The following ZDHHC17 variants were observed in gnomAD, a reference collection of about 807,000 sequenced individuals.
ZDHHC17 encodes zDHHC palmitoyltransferase 17.
A neutral mutation model predicts 90.3 loss-of-function variants in ZDHHC17; 40 were observed. That is an observed-to-expected ratio of 0.44 (90% confidence interval 0.34 to 0.58). The LOEUF (loss-of-function observed/expected upper bound fraction) is 0.58, where lower values mean the gene tolerates loss of function less well. Ranked by LOEUF, ZDHHC17 falls within the 20% of genes least tolerant of loss-of-function variation. The pLI, the probability that ZDHHC17 is intolerant of heterozygous loss-of-function variation, is 0.01. For synonymous variants in ZDHHC17, 235 were observed against 252.4 expected (o/e 0.93, Z 0.65); for missense variants, 614 against 780.8 (o/e 0.79, Z 2.55).
intron 1 of ZDHHC17, among the ~76,000 whole-genome samples, chr12:76,783,904 G>T (rs1592463445): frequency 6.6e-6 from 1 of 152,108 alleles, no homozygotes; most frequent in Admixed American, 6.6e-5. Flanking sequence ...GAAAATGTTT[G>T]CCTTGATTAT....
chr12:76,791,987 C>T (rs1952764607), intron 1 of ZDHHC17, among the ~76,000 whole-genome samples: 1 of 152,166 alleles, frequency 6.6e-6, no homozygotes, highest in Non-Finnish European at 1.5e-5. Flanking sequence ...ACTACCCTCT[C>T]AGAACCTTAA....
At chr12:76,800,557 T>C (rs1468757502) in intron 2 of ZDHHC17, among the ~76,000 whole-genome samples, 1 of 152,218 alleles carries the variant, frequency 6.6e-6, no homozygotes, top group Non-Finnish European at 1.5e-5. Flanking sequence ...AATTTATAAT[T>C]GTTGTATCTT....
intron 16 of ZDHHC17, 33 bp downstream of exon 16, chr12:76,849,503 C>T: frequency 1.4e-6 from 2 of 1,398,516 alleles, no homozygotes; most frequent in Non-Finnish European, 1.9e-6. Flanking sequence ...AATATTTTAC[C>T]TGGTCATAAA....
chr12:76,780,753 ACTT>A (rs890417682), intron 1 of ZDHHC17, among the ~76,000 whole-genome samples: 2 of 152,100 alleles, frequency 1.3e-5, no homozygotes, highest in Admixed American at 6.6e-5. Context: ...TCTTTGATAA[ACTT>A]CTTCACTTTT....
intron 10 of ZDHHC17, among the ~76,000 whole-genome samples, chr12:76,839,885 A>G (rs868121524): frequency 6.6e-6 from 1 of 152,350 alleles, no homozygotes; most frequent in South Asian, 2.1e-4. Flanking sequence ...AGCCTTAAAA[A>G]TGTTTATACC....
intron 1 of ZDHHC17, among the ~76,000 whole-genome samples, chr12:76,778,753 T>A (rs1021977847): frequency 1.3e-5 from 2 of 152,212 alleles, no homozygotes; most frequent in African/African-American, 4.8e-5. Flanking sequence ...CATTTGTATG[T>A]CTTGTTTGGT....
At chr12:76,847,458 G>A (rs1312326398) in intron 14 of ZDHHC17, among the ~76,000 whole-genome samples, 36 of 152,208 alleles carry the variant, frequency 2.4e-4, no homozygotes, top group Admixed American at 2.4e-3. Context: ...CAAAGAACTT[G>A]ACCTAATTTC....
At chr12:76,803,449 G>A (rs1952916403) in intron 2 of ZDHHC17, among the ~76,000 whole-genome samples, 1 of 152,026 alleles carries the variant, frequency 6.6e-6, no homozygotes, top group Non-Finnish European at 1.5e-5. Flanking sequence ...TAAGCCTGTG[G>A]GAGAATTCTC....
chr12:76,783,839 G>A (rs564753638), intron 1 of ZDHHC17, among the ~76,000 whole-genome samples: 1 of 152,356 alleles, frequency 6.6e-6, no homozygotes, highest in South Asian at 2.1e-4. Context: ...GGTGGAGGGA[G>A]ATTTGAACAT....
intron 3 of ZDHHC17, among the ~76,000 whole-genome samples, chr12:76,806,300 T>C (rs1952952849): frequency 1.3e-5 from 2 of 151,912 alleles, no homozygotes; most frequent in African/African-American, 4.8e-5. Context: ...TTTTTTGAGA[T>C]GGGGTTTTGT....
chr12:76,781,487 T>C (rs1370777195), intron 1 of ZDHHC17: 2 of 382,686 alleles, frequency 5.2e-6, no homozygotes, highest in African/African-American at 2.1e-5. Flanking sequence ...GGGCTCTGCC[T>C]TCATGAATGG....
At chr12:76,818,050 A>G (rs1953110421) in intron 7 of ZDHHC17, among the ~76,000 whole-genome samples, 1 of 152,078 alleles carries the variant, frequency 6.6e-6, no homozygotes, top group South Asian at 2.1e-4. Context: ...TATCTGTCAC[A>G]TGTAATAGAG....
At chr12:76,849,637 T>A (rs1013082249) in intron 16 of ZDHHC17, 167 bp downstream of exon 16, 2 of 491,410 alleles carry the variant, frequency 4.1e-6, no homozygotes, top group Non-Finnish European at 7.1e-6. Context: ...TTCATCACAT[T>A]AACTGTATAT....
At chr12:76,841,833 ATTAT>A in intron 10 of ZDHHC17, 145 bp from the exon 11 acceptor site, 1 of 493,588 alleles carries the variant, frequency 2.0e-6, no homozygotes, top group East Asian at 4.1e-5. Context: ...AAGAAGTCAC[ATTAT>A]TTTTACATGT....
At chr12:76,841,554 T>A (rs1181234428) in intron 10 of ZDHHC17, among the ~76,000 whole-genome samples, 1 of 152,080 alleles carries the variant, frequency 6.6e-6, no homozygotes, top group Non-Finnish European at 1.5e-5. Flanking sequence ...TTCAGTGTGT[T>A]CAAAAAAAGG....
chr12:76,836,318 T>C (rs1000244201), intron 10 of ZDHHC17, among the ~76,000 whole-genome samples: 1 of 143,732 alleles, frequency 7.0e-6, no homozygotes, highest in Middle Eastern at 3.3e-3. Context: ...TTTTGTAATA[T>C]ATAGTTTATT....
At chr12:76,788,008 C>T (rs541030779) in intron 1 of ZDHHC17, among the ~76,000 whole-genome samples, 54 of 152,238 alleles carry the variant, frequency 3.5e-4, no homozygotes, top group African/African-American at 1.3e-3. Flanking sequence ...CCCAGGAGTT[C>T]CAGGCTGTAG....
At chr12:76,765,053 CTTGT>C (rs1952416321) in intron 1 of ZDHHC17, among the ~76,000 whole-genome samples, 1 of 152,208 alleles carries the variant, frequency 6.6e-6, no homozygotes, top group Admixed American at 6.5e-5. Flanking sequence ...TCAGTCTGTG[CTTGT>C]TTACCTCCGA....
intron 7 of ZDHHC17, among the ~76,000 whole-genome samples, chr12:76,819,455 C>A (rs1490152942): frequency 2.0e-5 from 3 of 152,066 alleles, no homozygotes; most frequent in East Asian, 1.9e-4. Flanking sequence ...GCAAATCTGG[C>A]TATGGCTTTA....
Sources: allele counts gnomAD v4.1 joint callset (sites outside exome capture counted in the v4.1 genomes callset), GRCh38; gene constraint gnomAD v4.1.1; transcripts MANE v1.5; gene names NCBI Gene and HGNC (gene_info 2026-07-23, HGNC 2026-07-21).